The following ENTPD1 variants were observed in gnomAD, a reference collection of about 807,000 sequenced individuals.
ENTPD1 encodes ATP diphosphohydrolase.
A neutral mutation model predicts 57.0 loss-of-function variants in ENTPD1; 33 were observed. The ratio of observed to expected loss-of-function variants is 0.58; its 90% CI spans 0.44 to 0.77. The LOEUF is 0.77. ENTPD1 is among the 30% of genes least tolerant of loss of function. ENTPD1 has a pLI of 0.00. For synonymous variants in ENTPD1, 202 were observed against 218.8 expected (o/e 0.92, Z 0.68); for missense variants, 501 against 603.4 (o/e 0.83, Z 1.78).
chr10:95,740,341 G>C (rs886598274), intron 1 of ENTPD1, among the ~76,000 whole-genome samples: 1 of 152,104 alleles, frequency 6.6e-6, no homozygotes, highest in African/African-American at 2.4e-5. Flanking sequence ...GCCAGGCTGG[G>C]CTCGAACTCC....
At position 95,868,780 on chromosome 10, in the gene ENTPD1, T is replaced by C. The variant is rs1566264713; in HGVS notation, c.*2397T>C. On this transcript the variant is annotated 3_prime_UTR_variant, in exon 10 of 10. Coordinates refer to ENST00000371205, the MANE Select transcript of ENTPD1 (RefSeq NM_001776.6). The stretch of plus-strand genomic sequence containing the variant: ...GCAAGTTGGAATTAGACTTCACAAG[T>C]CTCCTTCAGAGAACACAAATCTTTT... 2.0e-6 allele frequency: 2 copies of C among 985,240 alleles called. No homozygotes were observed. The highest frequency in any genetic ancestry group is 1.2e-6 in the Non-Finnish European group (1 of 829,934). 61.0% of individuals were successfully genotyped at this position (985,240 alleles called of 1,614,324 possible). A position where few individuals can be genotyped will look rare whatever the true frequency, so the allele number is the denominator to read the frequency against.
chr10:95,799,485 T>G (rs367658533), intron 1 of ENTPD1, among the ~76,000 whole-genome samples: 14 of 152,350 alleles, frequency 9.2e-5, no homozygotes, highest in African/African-American at 3.4e-4. Context: ...TCATTCTTTT[T>G]TATGGCTGTA....
chr10:95,715,653 A>G (rs2097970740), intron 1 of ENTPD1, among the ~76,000 whole-genome samples: 1 of 151,960 alleles, frequency 6.6e-6, no homozygotes, highest in African/African-American at 2.4e-5. Context: ...TTTGTTTTAA[A>G]TCAATATTTT....
At chr10:95,832,446 CT>C (rs932314969) in intron 2 of ENTPD1, among the ~76,000 whole-genome samples, 42 of 152,284 alleles carry the variant, frequency 2.8e-4, no homozygotes, top group Admixed American at 7.2e-4. Context: ...AAGACTCCCC[CT>C]GGGAAAGTAC....
chr10:95,862,520 T>C (rs947282730), intron 8 of ENTPD1, among the ~76,000 whole-genome samples: 2 of 152,214 alleles, frequency 1.3e-5, no homozygotes, highest in Non-Finnish European at 2.9e-5. Context: ...TATCCTATCA[T>C]GCTGCCTTCC....
chr10:95,782,244 T>G (rs1476915713), intron 1 of ENTPD1, among the ~76,000 whole-genome samples: 1 of 152,232 alleles, frequency 6.6e-6, no homozygotes, highest in African/African-American at 2.4e-5. Context: ...ATATAGAGCA[T>G]TCTATCATTC....
At chr10:95,746,295 C>CT (rs1566100781) in intron 1 of ENTPD1, among the ~76,000 whole-genome samples, 1 of 152,068 alleles carries the variant, frequency 6.6e-6, no homozygotes, top group African/African-American at 2.4e-5. Context: ...TATTTATTCT[C>CT]TTTTTTACCT....
In ENTPD1 at chr10:95,876,419, C is replaced by G; in HGVS notation, c.*10036C>G. 1 of 1,231,342 alleles carries G rather than the reference C, an allele frequency of 8.1e-7. No homozygotes were observed. The allele number at this position is 1,231,342 out of a possible 1,614,324, so 76.3% of individuals were successfully genotyped here. A position where few individuals can be genotyped will look rare whatever the true frequency, so the allele number is the denominator to read the frequency against. Reference sequence around the variant, plus strand: ...TGGTAAATCATAATGTTCCCTTTCTCCTCGGTTCTGCAATCTATAGGCATA... The same window carrying G: ...TGGTAAATCATAATGTTCCCTTTCTGCTCGGTTCTGCAATCTATAGGCATA... On this transcript the variant is annotated 3_prime_UTR_variant, in exon 10 of 10. Coordinates refer to ENST00000371205, the MANE Select transcript of ENTPD1 (RefSeq NM_001776.6).
intron 1 of ENTPD1, among the ~76,000 whole-genome samples, chr10:95,807,921 G>C (rs2098279783): frequency 1.3e-5 from 2 of 152,104 alleles, no homozygotes. Context: ...TCCTTCTCTT[G>C]CCTGATTGCC....
chr10:95,716,174 A>G lies in ENTPD1; in HGVS notation c.37+4181A>G, dbSNP rs529444361. ...AACCGCTGTGCCCAGCTCATTTTTA[A>G]GTATATTTTTAAAGTTCATTTTTCA... On this transcript the variant is annotated intron_variant, in intron 1 of 9. Coordinates refer to the ENTPD1 transcript ENST00000453258. 3.3e-4 allele frequency among the ~76,000 whole-genome samples: 51 copies of G among 152,266 alleles called. No individual in the cohort carries two copies. The Middle Eastern group carries it at 0.017, about 51-fold the overall frequency.
intron 1 of ENTPD1, among the ~76,000 whole-genome samples, chr10:95,747,906 C>T (rs1240915302): frequency 6.7e-6 from 1 of 150,188 alleles, no homozygotes; most frequent in Non-Finnish European, 1.5e-5. Flanking sequence ...GAGTCTCGCT[C>T]TGTCGCCCAG....
chr10:95,731,781 C>CTTTTTGTTTTTTTTT (rs2097989368), intron 1 of ENTPD1, among the ~76,000 whole-genome samples: 1 of 79,180 alleles, frequency 1.3e-5, no homozygotes, highest in Non-Finnish European at 2.3e-5. Flanking sequence ...AGTGGACATC[C>CTTTTTGTTTTTTTTT]TTTTTTTTTT....
At chr10:95,773,993 C>T (rs528195899) in intron 1 of ENTPD1, among the ~76,000 whole-genome samples, 30 of 152,302 alleles carry the variant, frequency 2.0e-4, no homozygotes, top group African/African-American at 7.0e-4. Flanking sequence ...TCTCCAGCGT[C>T]TGTTGTTTCC....
chr10:95,725,218 T>G (rs2097982346), intron 1 of ENTPD1, among the ~76,000 whole-genome samples: 1 of 152,220 alleles, frequency 6.6e-6, no homozygotes. Flanking sequence ...GCTATGGCTT[T>G]TGTTTCTTAT....
At chr10:95,793,382 A>G (rs1400423004) in intron 1 of ENTPD1, among the ~76,000 whole-genome samples, 1 of 152,216 alleles carries the variant, frequency 6.6e-6, no homozygotes, top group African/African-American at 2.4e-5. Flanking sequence ...TTATGGGGAA[A>G]AGGCCCCTGG....
intron 1 of ENTPD1, among the ~76,000 whole-genome samples, chr10:95,788,267 G>GA (rs1333333143): frequency 6.6e-6 from 1 of 152,018 alleles, no homozygotes; most frequent in African/African-American, 2.4e-5. Flanking sequence ...AACAAAACCA[G>GA]AAAAAATGGT....
chr10:95,775,020 G>A (rs940625248), intron 1 of ENTPD1, among the ~76,000 whole-genome samples: 1 of 152,252 alleles, frequency 6.6e-6, no homozygotes, highest in Middle Eastern at 3.4e-3. Context: ...GCAGTGGTTT[G>A]TAGTTCTCCT....
Position 95,869,505 on chromosome 10 carries a change from C to T in ENTPD1, c.*3122C>T. On this transcript the variant is annotated 3_prime_UTR_variant, in exon 10 of 10. Coordinates refer to ENST00000371205, the MANE Select transcript of ENTPD1 (RefSeq NM_001776.6). ...TCTCAGGTGATCCTATTGCCTCGGG[C>T]TCCCAAAGTGCTGGGATTACAGGAG... 1 of 966,658 alleles carries T rather than the reference C, an allele frequency of 1.0e-6. No individual in the cohort carries two copies. Among genetic ancestry groups the T allele is most frequent in the Non-Finnish European group, 1.2e-6 (1 of 813,112 alleles). 59.9% of individuals were successfully genotyped at this position (966,658 alleles called of 1,614,324 possible).
chr10:95,868,088 ATCT>A lies in ENTPD1; in HGVS notation c.*1709_*1711del. 1.0e-6 allele frequency: 1 copy of A among 983,832 alleles called. No individual in the cohort carries two copies. The highest frequency in any genetic ancestry group is 4.7e-5 in the South Asian group (1 of 21,260). The allele number at this position is 983,832 out of a possible 1,614,324, so 60.9% of individuals were successfully genotyped here. ...CTGTGTGCTCAAGGGTATTACATTC[ATCT>A]TCTCATTTAATCCTCACAACAATCT... On this transcript the variant is annotated 3_prime_UTR_variant, in exon 10 of 10. Coordinates refer to ENST00000371205, the MANE Select transcript of ENTPD1 (RefSeq NM_001776.6).
Sources: allele counts gnomAD v4.1 joint callset (sites outside exome capture counted in the v4.1 genomes callset), GRCh38; gene constraint gnomAD v4.1.1; transcripts MANE v1.5; gene names NCBI Gene and HGNC (gene_info 2026-07-23, HGNC 2026-07-21).